The following SHOX variants were observed in gnomAD, a reference collection of about 807,000 sequenced individuals.
The protein encoded by SHOX is short stature homeobox protein.
In SHOX, 12 loss-of-function variants were observed where a neutral mutation model predicts 29.6. The observed-to-expected ratio is 0.41, with a 90% confidence interval of 0.26 to 0.66. SHOX has a LOEUF of 0.66. Ranked by LOEUF, SHOX falls within the 30% of genes least tolerant of loss-of-function variation. The probability of loss-of-function intolerance (pLI) is 0.35; values close to 1 mark genes in which losing one functional copy is unlikely to be tolerated. For missense variants in SHOX, 499 were observed against 437.7 expected (o/e 1.14, Z -1.25); for synonymous variants, 214 against 200.6 (o/e 1.07, Z -0.57).
chrX:629,017 C>G (rs866254211), upstream of SHOX, among the ~76,000 whole-genome samples: 75 of 106,226 alleles, frequency 7.1e-4, 8 homozygotes, highest in African/African-American at 2.4e-3. Flanking sequence ...CTCTCCATCT[C>G]TCTGTCTCTC....
rs73190330 is a variant in SHOX, at chrX:650,393, G to T, written c.*5757G>T. 6.6e-6 allele frequency among the ~76,000 whole-genome samples: 1 copy of T among 151,996 alleles called. No homozygotes were observed. Among genetic ancestry groups the T allele is most frequent in the East Asian group, 1.9e-4 (1 of 5,154 alleles). On this transcript the variant is annotated 3_prime_UTR_variant, in exon 5 of 5. Coordinates refer to ENST00000686671, the MANE Select transcript of SHOX (RefSeq NM_000451.4). ...CATTTCCTTGGAAGCCTGAGTTTCT[G>T]TTCTGGTCTTGCTGCTGTCCTTGGC...
rs1288206053 is a variant in SHOX, at chrX:640,986, C to T, written c.545-13C>T. 5.6e-6 allele frequency: 9 copies of T among 1,613,786 alleles called. No individual in the cohort carries two copies. The East Asian group carries it at 1.8e-4, about 32-fold the overall frequency. ...AGGACCACCACACTGACACCTGCTC[C>T]CTTTGGACACAGGCGTCATCTTGGG... On this transcript the variant is annotated splice_polypyrimidine_tract_variant and intron_variant, in intron 3 of 4. Transcript: ENST00000686671.
upstream of SHOX, among the ~76,000 whole-genome samples, chrX:628,595 TTCTC>T (rs1482493344): frequency 2.0e-5 from 1 of 49,608 alleles, no homozygotes; most frequent in African/African-American, 7.2e-5. Flanking sequence ...GTGTCTCTCT[TTCTC>T]TCTCTCCATC....
chrX:630,988 G>A lies in SHOX; in HGVS notation c.91G>A (p.Asp31Asn). 1 of 1,613,896 alleles carries A rather than the reference G, an allele frequency of 6.2e-7. No homozygotes were observed. The highest frequency in any genetic ancestry group is 8.5e-7 in the Non-Finnish European group (1 of 1,179,852). ...GGGGGGGGKK[D>N]SITYREVLES... is the part of the protein sequence containing the mutation. ...AGGCGGAGGCGGCGGAGGTAAGAAG[G>A]ATTCCATTACGTACCGGGAAGTTTT... The change falls in exon 1 of 5, where the codon GAT becomes AAT. Residue 31 changes from aspartate (D) to asparagine (N), a missense_variant. By Grantham distance (23) the Asp-to-Asn change is conservative. Transcript: ENST00000686671.
At position 644,532 on chromosome X, in the gene SHOX, G is replaced by A. The variant is rs1185240022; in HGVS notation, c.775G>A (p.Ala259Thr). Residue 259 changes from alanine (A) to threonine (T), a missense_variant, in exon 5 of 5, where the codon GCC becomes ACC. Coordinates refer to ENST00000686671, the MANE Select transcript of SHOX (RefSeq NM_000451.4). ...PIASLAESAS[A>T]AAVVAAAAKS... ...CGCGTCGCTGGCCGAGTCCGCCTCG[G>A]CCGCCGCCGTGGTCGCCGCCGCCGC... 1.3e-6 allele frequency: 2 copies of A among 1,517,452 alleles called. No homozygotes were observed. Among genetic ancestry groups the A allele is most frequent in the African/African-American group, 1.4e-5 (1 of 70,402 alleles). The allele number at this position is 1,517,452 out of a possible 1,614,324, so 94.0% of individuals were successfully genotyped here.
chrX:635,478 T>C (rs2052728898), intron 2 of SHOX, among the ~76,000 whole-genome samples: 1 of 152,034 alleles, frequency 6.6e-6, no homozygotes, highest in Non-Finnish European at 1.5e-5. Context: ...CCTCCTCCCC[T>C]CTCCAGCCCT....
chrX:641,687 C>CAAAA (rs35181650), intron 4 of SHOX, among the ~76,000 whole-genome samples: 2 of 123,672 alleles, frequency 1.6e-5, no homozygotes, highest in African/African-American at 5.9e-5. Flanking sequence ...GACTCCATCT[C>CAAAA]AAAAAAAAAA....
chrX:634,526 G>T (rs1569493620), intron 1 of SHOX, 92 bp from the exon 2 acceptor site: 2 of 1,369,352 alleles, frequency 1.5e-6, no homozygotes, highest in Non-Finnish European at 2.0e-6. Flanking sequence ...GTTTTCGAGG[G>T]CCCCCTTTCC....
rs1190756659 is a variant in SHOX, at chrX:657,985, C to CT, written c.634-793dup. Among the ~76,000 whole-genome samples, 6 of 151,718 alleles carry CT rather than the reference C, an allele frequency of 4.0e-5. No individual in the cohort carries two copies. The South Asian group carries it at 6.3e-4, about 16-fold the overall frequency. ...CTCCAGGTGGTCTCTCTCTCTCTCT[C>CT]TTTTTTTGAGACAGAGTCTCACTCT... On this transcript the variant is annotated intron_variant, in intron 5 of 5. Transcript: ENST00000334060.
chrX:655,270 G>A (rs1296763848), downstream of SHOX, among the ~76,000 whole-genome samples: 2 of 151,548 alleles, frequency 1.3e-5, no homozygotes, highest in Non-Finnish European at 2.9e-5. Flanking sequence ...ACCACGCCCG[G>A]CTAATTTTTT....
intron 5 of SHOX, chrX:658,681 A>T: frequency 4.6e-6 from 1 of 217,274 alleles, no homozygotes. Flanking sequence ...CGTGTTAGCC[A>T]GGAAGGTCTC....
At chrX:631,402 C>A (rs577413301) in intron 1 of SHOX, among the ~76,000 whole-genome samples, 2 of 152,218 alleles carry the variant, frequency 1.3e-5, no homozygotes, top group South Asian at 2.1e-4. Context: ...CAGGGAGGGT[C>A]GCAGCGGGGG....
At chrX:642,525 C>A (rs1357024703) in intron 4 of SHOX, among the ~76,000 whole-genome samples, 4 of 152,216 alleles carry the variant, frequency 2.6e-5, no homozygotes, top group Non-Finnish European at 5.9e-5. Context: ...CTCTCCCTGG[C>A]CCAGGCCCGA....
In SHOX at chrX:649,836, C is replaced by G. The variant is rs1248441146; in HGVS notation, c.*5200C>G. ...ATAGTCCGTGGAGGGTTGTCAGTCG[C>G]CGCAGTTGAGCAAAAAACACTTCTT... is the stretch of plus-strand genomic sequence containing the variant. On this transcript the variant is annotated 3_prime_UTR_variant, in exon 5 of 5. Coordinates refer to ENST00000686671, the MANE Select transcript of SHOX (RefSeq NM_000451.4). 5.3e-5 allele frequency: 24 copies of G among 449,788 alleles called. No homozygotes were observed. 27.9% of individuals were successfully genotyped at this position (449,788 alleles called of 1,614,324 possible). A position where few individuals can be genotyped will look rare whatever the true frequency, so the allele number is the denominator to read the frequency against.
intron 1 of SHOX, among the ~76,000 whole-genome samples, chrX:633,531 C>G (rs2052685407): frequency 6.6e-6 from 1 of 151,306 alleles, no homozygotes; most frequent in Non-Finnish European, 1.5e-5. Context: ...AAAGACAGAA[C>G]AGGGTGCTAG....
intron 4 of SHOX, among the ~76,000 whole-genome samples, chrX:642,534 G>A (rs1340711653): frequency 6.6e-6 from 1 of 152,218 alleles, no homozygotes; most frequent in Admixed American, 6.5e-5. Context: ...GCCCAGGCCC[G>A]AAGGAGAGGG....
chrX:630,622 G>A (rs1239642519), upstream of SHOX: 2 of 584,716 alleles, frequency 3.4e-6, no homozygotes, highest in Non-Finnish European at 6.1e-6. Flanking sequence ...GCCAAACAGT[G>A]ATGAAATGAG....
intron 2 of SHOX, among the ~76,000 whole-genome samples, chrX:636,341 T>TATATAAATATATAAAA: frequency 7.6e-6 from 1 of 132,280 alleles, no homozygotes; most frequent in Non-Finnish European, 1.6e-5. Context: ...CATATAAACA[T>TATATAAATATATAAAA]ATATAAATAT....
intron 4 of SHOX, among the ~76,000 whole-genome samples, chrX:643,610 T>TCCCGGGAGAGGCTTGGGGACCTGGTGA (rs2052905889): frequency 8.6e-6 from 1 of 116,954 alleles, no homozygotes; most frequent in South Asian, 3.1e-4. Context: ...GGACCTGGTG[T>TCCCGGGAGAGGCTTGGGGACCTGGTGA]CCTGGGAGAG....
Sources: allele counts gnomAD v4.1 joint callset (sites outside exome capture counted in the v4.1 genomes callset), GRCh38; gene constraint gnomAD v4.1.1; transcripts MANE v1.5; gene names NCBI Gene and HGNC (gene_info 2026-07-23, HGNC 2026-07-21).